Variants in EPHB1 observed in about 807,000 individuals in gnomAD.
EPHB1 encodes EPH receptor B1.
A neutral mutation model predicts 94.4 loss-of-function variants in EPHB1; 30 were observed. The observed-to-expected ratio is 0.32, with a 90% confidence interval of 0.24 to 0.43. The LOEUF is 0.43. EPHB1 is among the 20% of genes least tolerant of loss of function. The pLI is 1.00. For synonymous variants in EPHB1, 522 were observed against 489.1 expected, an observed-to-expected ratio of 1.07 and a Z score of -0.89; for missense variants, 1,055 against 1,308.3, an observed-to-expected ratio of 0.81 and a Z score of 2.99.
intron 1 of EPHB1, 42 bp downstream of exon 1, chr3:134,795,731 C>G (rs1208814511): frequency 6.3e-7 from 1 of 1,594,426 alleles, no homozygotes. Flanking sequence ...CTGGTGCCGG[C>G]CGCCTTGGGA....
Position 135,049,170 on chromosome 3 carries a change from G to T in EPHB1, c.806-57278G>T, listed in dbSNP as rs149671157. 2.1e-3 allele frequency among the ~76,000 whole-genome samples: 319 copies of T among 152,260 alleles called. 4 individuals carry two copies. Among genetic ancestry groups the T allele is most frequent in the African/African-American group, 7.5e-3 (313 of 41,536 alleles). On this transcript the variant is annotated intron_variant, in intron 3 of 15. Coordinates refer to ENST00000398015, the MANE Select transcript of EPHB1 (RefSeq NM_004441.5). ...AGATGCCTTGCCATTGAGATTTTTTGCTGTCTTTAAAAGCACCTCCTTGCC... is the reference window on the plus strand; with the variant it reads ...AGATGCCTTGCCATTGAGATTTTTTTCTGTCTTTAAAAGCACCTCCTTGCC...
chr3:135,244,052 G>T (rs879098712), intron 13 of EPHB1, among the ~76,000 whole-genome samples: 3 of 152,050 alleles, frequency 2.0e-5, no homozygotes, highest in South Asian at 2.1e-4. Flanking sequence ...CCGGGAGCAG[G>T]CCCTGAAAAT....
intron 13 of EPHB1, among the ~76,000 whole-genome samples, chr3:135,244,960 T>C (rs1476985619): frequency 6.6e-6 from 1 of 152,174 alleles, no homozygotes; most frequent in Non-Finnish European, 1.5e-5. Context: ...AACAACAAAA[T>C]TATTTACAAG....
chr3:134,989,039 A>G lies in EPHB1; in HGVS notation c.805+36987A>G, dbSNP rs556434859. Among the ~76,000 whole-genome samples the G allele has an allele frequency of 7.2e-5, 11 of 152,252 alleles. No individual in the cohort carries two copies. In the East Asian group the frequency reaches 1.2e-3, roughly 16 times the overall value. On this transcript the variant is annotated intron_variant, in intron 3 of 15. Coordinates refer to ENST00000398015, the MANE Select transcript of EPHB1 (RefSeq NM_004441.5). ...AGAGCTCTGCTGTCTATCATGCTCT[A>G]TTTTTAAGGGAGCTAAGAATTGGAC...
chr3:135,248,928 C>T (rs1943996710), intron 14 of EPHB1, among the ~76,000 whole-genome samples: 1 of 151,482 alleles, frequency 6.6e-6, no homozygotes, highest in Non-Finnish European at 1.5e-5. Context: ...TTTCAAATAG[C>T]TAAGGATGAA....
At chr3:134,860,166 C>CAG (rs1553858708) in intron 1 of EPHB1, among the ~76,000 whole-genome samples, 34 of 127,512 alleles carry the variant, frequency 2.7e-4, no homozygotes, top group East Asian at 4.1e-4. Flanking sequence ...CACACACACA[C>CAG]ACACAGACAC....
At chr3:134,896,080 T>C (rs1042311101) in intron 1 of EPHB1, among the ~76,000 whole-genome samples, 13 of 151,946 alleles carry the variant, frequency 8.6e-5, no homozygotes, top group Non-Finnish European at 1.9e-4. Flanking sequence ...CTAGGATCAA[T>C]GGGGAGATGA....
chr3:135,096,082 A>G (rs772237652), intron 3 of EPHB1, among the ~76,000 whole-genome samples: 1 of 152,200 alleles, frequency 6.6e-6, no homozygotes, highest in Admixed American at 6.5e-5. Flanking sequence ...AGTATATTAT[A>G]GGTGGTCAAT....
chr3:134,873,329 G>C (rs1269404021), intron 1 of EPHB1, among the ~76,000 whole-genome samples: 1 of 152,064 alleles, frequency 6.6e-6, no homozygotes, highest in Non-Finnish European at 1.5e-5. Flanking sequence ...ATTTAGACTG[G>C]GCTTAGAACT....
At chr3:134,836,789 C>T (rs1269091074) in intron 1 of EPHB1, among the ~76,000 whole-genome samples, 2 of 152,200 alleles carry the variant, frequency 1.3e-5, no homozygotes, top group African/African-American at 4.8e-5. Context: ...GCTACTTTGA[C>T]ATTTACTTTC....
At chr3:134,883,011 A>G (rs949150625) in intron 1 of EPHB1, among the ~76,000 whole-genome samples, 3 of 151,758 alleles carry the variant, frequency 2.0e-5, no homozygotes, top group Admixed American at 1.3e-4. Context: ...TTTACTAGAG[A>G]TGGGGTTTCA....
intron 1 of EPHB1, among the ~76,000 whole-genome samples, chr3:134,915,129 A>G (rs1056552310): frequency 2.0e-5 from 3 of 152,124 alleles, no homozygotes; most frequent in African/African-American, 7.2e-5. Context: ...CAACAGCCCC[A>G]TTTCCCAGTG....
chr3:135,001,326 T>C (rs976784168), intron 3 of EPHB1, among the ~76,000 whole-genome samples: 1 of 152,052 alleles, frequency 6.6e-6, no homozygotes, highest in South Asian at 2.1e-4. Context: ...CAGTGAGCTC[T>C]GTGTTTGAAG....
chr3:135,158,146 T>A (rs1941408090), intron 6 of EPHB1, among the ~76,000 whole-genome samples: 1 of 152,248 alleles, frequency 6.6e-6, no homozygotes, highest in Non-Finnish European at 1.5e-5. Flanking sequence ...TCTGCTTACC[T>A]GCTCCATGTG....
At chr3:134,903,821 A>G (rs927449613) in intron 1 of EPHB1, among the ~76,000 whole-genome samples, 2 of 152,220 alleles carry the variant, frequency 1.3e-5, no homozygotes, top group Non-Finnish European at 2.9e-5. Context: ...GCTGGTTATT[A>G]TTCCATTGTT....
chr3:135,229,611 C>T (rs955561370), intron 12 of EPHB1, among the ~76,000 whole-genome samples: 3 of 152,108 alleles, frequency 2.0e-5, no homozygotes, highest in African/African-American at 7.2e-5. Context: ...TAATTGAAGG[C>T]CATGATAAGG....
At chr3:134,896,655 CCTT>C (rs2038092397) in intron 1 of EPHB1, among the ~76,000 whole-genome samples, 1 of 152,240 alleles carries the variant, frequency 6.6e-6, no homozygotes, top group Admixed American at 6.5e-5. Context: ...ATGGCGCTAA[CCTT>C]CTCCACACCC....
chr3:134,872,919 T>C (rs35287767), intron 1 of EPHB1, among the ~76,000 whole-genome samples: 50,152 of 152,006 alleles, frequency 0.33, 9,163 homozygotes, highest in African/African-American at 0.5. Context: ...GCTAAATGAA[T>C]GAATGACTGA....
At chr3:134,893,174 C>T (rs1220801303) in intron 1 of EPHB1, among the ~76,000 whole-genome samples, 1 of 152,134 alleles carries the variant, frequency 6.6e-6, no homozygotes, top group Non-Finnish European at 1.5e-5. Flanking sequence ...AGACATTGTT[C>T]TGAATACAGA....
Sources: allele counts gnomAD v4.1 joint callset (sites outside exome capture counted in the v4.1 genomes callset), GRCh38; gene constraint gnomAD v4.1.1; transcripts MANE v1.5; gene names NCBI Gene and HGNC (gene_info 2026-07-23, HGNC 2026-07-21).